The following CALY variants were observed in gnomAD, a reference collection of about 807,000 sequenced individuals.
CALY encodes neuron-specific vesicular protein calcyon.
A neutral mutation model predicts 20.2 loss-of-function variants in CALY; 15 were observed. That is an observed-to-expected ratio of 0.74 (90% CI 0.50 to 1.14). The LOEUF (loss-of-function observed/expected upper bound fraction) is 1.14, where lower values mean the gene tolerates loss of function less well. Ranked by LOEUF, CALY falls within the 50% of genes most tolerant of loss-of-function variation. CALY has a pLI of 0.00. For missense variants in CALY, 270 were observed against 304.4 expected, an observed-to-expected ratio of 0.89 and a Z score of 0.84; for synonymous variants, 129 against 131.8, an observed-to-expected ratio of 0.98 and a Z score of 0.15.
intron 5 of CALY, 37 bp downstream of exon 5, chr10:133,325,761 TG>T: frequency 1.0e-6 from 1 of 970,996 alleles, no homozygotes; most frequent in Non-Finnish European, 1.3e-6. Flanking sequence ...GGAAGAGACC[TG>T]GGCAGAGCCG....
chr10:133,328,838 C>A lies in CALY; in HGVS notation c.135+17G>T. The A allele has an allele frequency of 6.5e-7, 1 of 1,538,834 alleles. No homozygotes were observed. Among genetic ancestry groups the A allele is most frequent in the Middle Eastern group, 2.0e-4 (1 of 4,888 alleles). On this transcript the variant is annotated intron_variant, in intron 2 of 5. Transcript: ENST00000252939. The stretch of plus-strand genomic sequence containing the variant: ...GGGGAGCCTGAGAAGGGCCCCCACG[C>A]TGGCCCAGGCCCTCACCTGGTCAGG...
intron 4 of CALY, 126 bp from the exon 5 acceptor site, chr10:133,326,246 A>G (rs1236442857): frequency 6.4e-7 from 1 of 1,550,534 alleles, no homozygotes; most frequent in Admixed American, 2.0e-5. Flanking sequence ...GCTTCAGGAC[A>G]CCGAAGATCA....
At position 133,327,009 on chromosome 10, in the gene CALY, A is replaced by C; in HGVS notation, c.247-18T>G. 1 of 1,566,298 alleles carries C rather than the reference A, an allele frequency of 6.4e-7. No individual in the cohort carries two copies. The highest frequency in any genetic ancestry group is 8.7e-7 in the Non-Finnish European group (1 of 1,146,000). ...GTGGGCAGCTGGCAGGAGGGCAGAG[A>C]GGGGCTCAGCCACGCCAGGCAGGGG... On this transcript the variant is annotated intron_variant, in intron 3 of 5. Transcript: ENST00000252939.
chr10:133,327,872 AGTC>A, intron 3 of CALY, 30 bp downstream of exon 3: 1 of 1,391,218 alleles, frequency 7.2e-7, no homozygotes, highest in Non-Finnish European at 1.0e-6. Context: ...TCCTGTCCTG[AGTC>A]CCCACAGTGG....
rs777197125 is a variant in CALY, at chr10:133,326,039, T to A, written c.442A>T (p.Ile148Phe). Residue 148 changes from isoleucine to phenylalanine, a missense_variant, in exon 5 of 6, where the codon ATC becomes TTC. Coordinates refer to ENST00000252939, the MANE Select transcript of CALY (RefSeq NM_015722.4). Reference protein sequence around the residue: ...PERHRSILAAIGAYPLSRKHG... With the variant: ...PERHRSILAAFGAYPLSRKHG... ...TTGCGGCTCAGCGGGTAGGCCCCGA[T>A]GGCCGCCAGGATGCTGCGGTGGCGC... 1.9e-6 allele frequency: 3 copies of A among 1,593,308 alleles called. No individual in the cohort carries two copies. Among genetic ancestry groups the A allele is most frequent in the Non-Finnish European group, 2.6e-6 (3 of 1,170,188 alleles).
chr10:133,331,546 G>A lies in CALY; in HGVS notation c.-20-2537C>T, dbSNP rs190472244. Among the ~76,000 whole-genome samples, 940 of 152,258 alleles carry A rather than the reference G, an allele frequency of 6.2e-3. 10 individuals carry two copies. Among genetic ancestry groups the A allele is most frequent in the African/African-American group, 0.022 (899 of 41,556 alleles). Reference sequence around the variant, plus strand: ...TAATATCAAAACTATCAAATCCTCAGGAATAGGTGTAAAAAGAGCTGAGGA... The same window carrying A: ...TAATATCAAAACTATCAAATCCTCAAGAATAGGTGTAAAAAGAGCTGAGGA... On this transcript the variant is annotated intron_variant, in intron 1 of 5. Coordinates refer to ENST00000252939, the MANE Select transcript of CALY (RefSeq NM_015722.4).
rs1278069441 is a variant in CALY, at chr10:133,325,347, CCTCA to C, written c.*244_*247del. The C allele has an allele frequency of 6.6e-6, 1 of 152,192 alleles. No homozygotes were observed. The highest frequency in any genetic ancestry group is 2.4e-5 in the African/African-American group (1 of 41,316). 9.4% of individuals were successfully genotyped at this position (152,192 alleles called of 1,614,324 possible). On this transcript the variant is annotated 3_prime_UTR_variant, in exon 6 of 6. Coordinates refer to ENST00000252939, the MANE Select transcript of CALY (RefSeq NM_015722.4). ...GTCCCTGGGGGGAGCACAATGCCGGCCTCACTCACAACTGGCGGGGTGGGGGGCG... is the reference window on the plus strand; with the variant it reads ...GTCCCTGGGGGGAGCACAATGCCGGCCTCACAACTGGCGGGGTGGGGGGCG...
intron 1 of CALY, among the ~76,000 whole-genome samples, chr10:133,332,210 G>A (rs1161940929): frequency 6.6e-6 from 1 of 152,068 alleles, no homozygotes; most frequent in Non-Finnish European, 1.5e-5. Flanking sequence ...GGAGAGGTGT[G>A]GGGCTACTGC....
intron 2 of CALY, among the ~76,000 whole-genome samples, chr10:133,328,313 G>T (rs532897804): frequency 6.6e-6 from 1 of 152,216 alleles, no homozygotes; most frequent in Non-Finnish European, 1.5e-5. Flanking sequence ...AATTGCCCTT[G>T]GCCAGCAGGG....
chr10:133,336,131 C>T (rs1848438214), intron 1 of CALY, among the ~76,000 whole-genome samples: 1 of 152,156 alleles, frequency 6.6e-6, no homozygotes, highest in Non-Finnish European at 1.5e-5. Flanking sequence ...CCACCGCAGC[C>T]TCCCGCCCCT....
chr10:133,336,737 C>G (rs1463302912), intron 1 of CALY, 97 bp downstream of exon 1: 2 of 154,176 alleles, frequency 1.3e-5, no homozygotes, highest in Non-Finnish European at 1.4e-5. Context: ...CTCGCGAGCA[C>G]ACGCACCTCG....
intron 1 of CALY, among the ~76,000 whole-genome samples, chr10:133,330,981 T>G (rs564762633): frequency 6.6e-6 from 1 of 152,326 alleles, no homozygotes; most frequent in East Asian, 1.9e-4. Flanking sequence ...TTGGGTGTAT[T>G]CTGGAAATGA....
chr10:133,324,291 T>C lies in CALY; in HGVS notation c.*1304A>G, dbSNP rs948402105. ...CCTGCCTTCCCTGACCCCACCTGGC[T>C]GGCTTCCAGCTCACCATGGCTTCCC... On this transcript the variant is annotated 3_prime_UTR_variant, in exon 6 of 6. Transcript: ENST00000252939. 2 of 454,058 alleles carry C rather than the reference T, an allele frequency of 4.4e-6. No individual in the cohort carries two copies. The highest frequency in any genetic ancestry group is 8.8e-6 in the Non-Finnish European group (2 of 226,044). 28.1% of individuals were successfully genotyped at this position (454,058 alleles called of 1,614,324 possible).
At chr10:133,333,258 GGT>G (rs1848341236) in intron 1 of CALY, among the ~76,000 whole-genome samples, 1 of 127,278 alleles carries the variant, frequency 7.9e-6, no homozygotes, top group Non-Finnish European at 1.6e-5. Context: ...ATGATTGCAA[GGT>G]GGAAGGATCC....
rs1848293630 is a variant in CALY at position 133,330,810 on chromosome 10, A to G, written c.-20-1801T>C. On this transcript the variant is annotated intron_variant, in intron 1 of 5. Coordinates refer to ENST00000252939, the MANE Select transcript of CALY (RefSeq NM_015722.4). ...CCAGAAAGACAAGGGAGCACTCACC[A>G]GCTCCTGAGGCCAACGTAGCCTCAG... is the stretch of plus-strand genomic sequence containing the variant. Among the ~76,000 whole-genome samples the G allele has an allele frequency of 2.0e-5, 3 of 151,646 alleles. No homozygotes were observed. In the South Asian group the frequency reaches 6.3e-4, roughly 32 times the overall value.
intron 4 of CALY, 77 bp downstream of exon 4, chr10:133,326,801 C>T: frequency 1.1e-6 from 1 of 906,808 alleles, no homozygotes; most frequent in Non-Finnish European, 1.8e-6. Flanking sequence ...GCAGGAGACA[C>T]CCCTGCCACC....
chr10:133,328,786 A>C, intron 2 of CALY, 69 bp downstream of exon 2: 1 of 1,448,060 alleles, frequency 6.9e-7, no homozygotes, highest in Admixed American at 2.4e-5. Context: ...ATCTAGACAA[A>C]CCTCACCCCA....
chr10:133,324,916 C>A lies in CALY; in HGVS notation c.*679G>T. ...AACCAGAGCTCACCCCTCATCAGGC[C>A]CCACTCCCCACTCAGACGCCCCCAT... On this transcript the variant is annotated 3_prime_UTR_variant, in exon 6 of 6. Transcript: ENST00000252939. The A allele has an allele frequency of 1.7e-5, 4 of 230,554 alleles. No individual in the cohort carries two copies. The highest frequency in any genetic ancestry group is 1.1e-4 in the Admixed American group (2 of 18,806). 14.3% of individuals were successfully genotyped at this position (230,554 alleles called of 1,614,324 possible).
chr10:133,336,400 G>A (rs1005992469), intron 1 of CALY, among the ~76,000 whole-genome samples: 38 of 122,734 alleles, frequency 3.1e-4, no homozygotes, highest in Admixed American at 1.9e-3. Flanking sequence ...GCGGCTCCTC[G>A]GTGCTCTGGT....
Sources: allele counts gnomAD v4.1 joint callset (sites outside exome capture counted in the v4.1 genomes callset), GRCh38; gene constraint gnomAD v4.1.1; transcripts MANE v1.5; gene names NCBI Gene and HGNC (gene_info 2026-07-23, HGNC 2026-07-21).